Variants in SPAG17 observed in about 807,000 individuals in gnomAD.
The protein encoded by SPAG17 is sperm associated antigen 17, also known as sperm-associated antigen 17.
A neutral mutation model predicts 273.6 loss-of-function variants in SPAG17; 169 were observed. That is an observed-to-expected ratio of 0.62 (90% CI 0.55 to 0.70). The LOEUF (loss-of-function observed/expected upper bound fraction) is 0.70, where lower values mean the gene tolerates loss of function less well. Among genes scored for constraint, SPAG17 ranks in the 30% least tolerant of loss-of-function variants. The pLI is 0.00. For synonymous variants in SPAG17, 825 were observed against 873.2 expected, an observed-to-expected ratio of 0.94 and a Z score of 0.97; for missense variants, 2,557 against 2,627.8, an observed-to-expected ratio of 0.97 and a Z score of 0.59.
At chr1:118,047,799 A>G (rs1650534438) in intron 20 of SPAG17, among the ~76,000 whole-genome samples, 1 of 151,386 alleles carries the variant, frequency 6.6e-6, no homozygotes, top group South Asian at 2.1e-4. Flanking sequence ...ACCTGTCAAT[A>G]TCCATAGACC....
chr1:118,040,717 T>C lies in SPAG17; in HGVS notation c.3166+13A>G. On this transcript the variant is annotated intron_variant, in intron 22 of 48. Transcript: ENST00000336338. ...ATGTTTCCAATCATTAACCAGTTGC[T>C]TTCAAAATGTACCTTTTTCAAACAT... The C allele has an allele frequency of 6.6e-7, 1 of 1,526,404 alleles. No individual in the cohort carries two copies. Among genetic ancestry groups the C allele is most frequent in the Non-Finnish European group, 9.1e-7 (1 of 1,099,700 alleles). The allele number at this position is 1,526,404 out of a possible 1,614,324, so 94.6% of individuals were successfully genotyped here. A position where few individuals can be genotyped will look rare whatever the true frequency, so the allele number is the denominator to read the frequency against.
intron 17 of SPAG17, among the ~76,000 whole-genome samples, chr1:118,070,433 A>G (rs1213414136): frequency 2.6e-5 from 4 of 152,218 alleles, no homozygotes; most frequent in Non-Finnish European, 5.9e-5. Flanking sequence ...ATTCTGAGCA[A>G]CTGGGCTATT....
intron 1 of SPAG17, among the ~76,000 whole-genome samples, chr1:118,177,759 T>C (rs916146700): frequency 3.3e-5 from 5 of 151,836 alleles, no homozygotes; most frequent in African/African-American, 4.8e-5. Context: ...ACCACAGAAA[T>C]GCAAAGAATC....
At chr1:118,164,397 C>T (rs1003656787) in intron 1 of SPAG17, among the ~76,000 whole-genome samples, 1 of 91,892 alleles carries the variant, frequency 1.1e-5, no homozygotes, top group South Asian at 3.3e-4. Flanking sequence ...TAAGTTCATT[C>T]TACTAAATTT....
intron 1 of SPAG17, 139 bp from the exon 2 acceptor site, chr1:118,151,508 T>C (rs566875621): frequency 1.0e-4 from 86 of 856,608 alleles, no homozygotes; most frequent in Non-Finnish European, 1.3e-4. Context: ...TGTATGTGGT[T>C]TTCTGATTGA....
intron 3 of SPAG17, among the ~76,000 whole-genome samples, chr1:118,142,391 C>T (rs572995599): frequency 5.3e-5 from 8 of 152,136 alleles, no homozygotes; most frequent in East Asian, 1.9e-4. Flanking sequence ...AAGTTGTGAA[C>T]GTTGGTTGCA....
chr1:118,050,583 T>C (rs1021909475), intron 20 of SPAG17, among the ~76,000 whole-genome samples: 3 of 152,106 alleles, frequency 2.0e-5, no homozygotes, highest in African/African-American at 7.2e-5. Context: ...GGCCCATAAA[T>C]AAATCCACAC....
At chr1:117,996,287 T>A in intron 34 of SPAG17, 83 bp downstream of exon 34, 1 of 1,435,086 alleles carries the variant, frequency 7.0e-7, no homozygotes, top group South Asian at 1.7e-5. Flanking sequence ...AAAAGTAAGA[T>A]GACATGAAGA....
intron 10 of SPAG17, among the ~76,000 whole-genome samples, chr1:118,090,696 C>G (rs191493494): frequency 6.6e-6 from 1 of 152,096 alleles, no homozygotes; most frequent in South Asian, 2.1e-4. Flanking sequence ...CCATACTGGG[C>G]AACATAGCAA....
chr1:118,007,897 G>A, intron 31 of SPAG17, 147 bp downstream of exon 31: 1 of 780,876 alleles, frequency 1.3e-6, no homozygotes, highest in Non-Finnish European at 2.0e-6. Flanking sequence ...AAGAGTTTGA[G>A]AAGTATATTC....
chr1:118,014,713 C>T (rs1017676295), intron 29 of SPAG17, among the ~76,000 whole-genome samples: 1 of 152,186 alleles, frequency 6.6e-6, no homozygotes, highest in African/African-American at 2.4e-5. Context: ...AGGAAGTTCA[C>T]ACACAAGAGT....
intron 19 of SPAG17, 97 bp downstream of exon 19, chr1:118,055,636 T>G (rs1651582243): frequency 1.8e-6 from 2 of 1,086,532 alleles, no homozygotes; most frequent in African/African-American, 1.6e-5. Context: ...TGGGTAATTC[T>G]TTTTAATATT....
intron 3 of SPAG17, among the ~76,000 whole-genome samples, chr1:118,123,704 T>C (rs969589736): frequency 1.3e-5 from 2 of 152,218 alleles, no homozygotes; most frequent in African/African-American, 4.8e-5. Flanking sequence ...TTGGACCCCT[T>C]ACATCTGTGC....
chr1:118,028,248 C>T (rs750110862), intron 26 of SPAG17, 26 bp downstream of exon 26: 4 of 1,582,354 alleles, frequency 2.5e-6, no homozygotes, highest in Non-Finnish European at 3.4e-6. Flanking sequence ...TCCCTGCTTC[C>T]CCACCCTACC....
Position 118,081,157 on chromosome 1 carries a change from C to G in SPAG17, c.2153G>C (p.Arg718Thr). 3.7e-6 allele frequency: 6 copies of G among 1,613,890 alleles called. No individual in the cohort carries two copies. The highest frequency in any genetic ancestry group is 5.1e-6 in the Non-Finnish European group (6 of 1,179,970). ...GATGCTCTCCTGCTCTAACAGCTGT[C>G]TATTATCAGGGACTGAGAGTTTGAG... ...NNLKLSVPDN[R>T]QLLEQESIMK... Residue 718 changes from arginine (R) to threonine (T), a missense_variant, in exon 15 of 49, where the codon AGA becomes ACA. Arg to Thr is a moderately conservative substitution (Grantham distance 71). Transcript: ENST00000336338.
Position 117,997,270 on chromosome 1 carries a change from T to C in SPAG17, c.4777-527A>G, listed in dbSNP as rs1293118598. Among the ~76,000 whole-genome samples the C allele has an allele frequency of 4.6e-5, 7 of 152,186 alleles. No individual in the cohort carries two copies. In the East Asian group the frequency reaches 1.3e-3, roughly 29 times the overall value. ...GGGTCTCTCCAGGAAGGGGTGTGAT[T>C]CATGCTGCAAGACCACTGAAGGGGA... On this transcript the variant is annotated intron_variant, in intron 32 of 48. Coordinates refer to ENST00000336338, the MANE Select transcript of SPAG17 (RefSeq NM_206996.4).
At chr1:118,130,293 G>A (rs1657985082) in intron 3 of SPAG17, among the ~76,000 whole-genome samples, 1 of 152,140 alleles carries the variant, frequency 6.6e-6, no homozygotes, top group African/African-American at 2.4e-5. Flanking sequence ...CCTAGTTAAA[G>A]ATATGGGTTA....
intron 48 of SPAG17, chr1:117,962,775 A>C (rs932039524): frequency 6.6e-6 from 1 of 152,268 alleles, no homozygotes; most frequent in Non-Finnish European, 1.5e-5. Context: ...GCAGAGATCT[A>C]GGACAGTGCC....
At chr1:118,150,695 A>G in intron 2 of SPAG17, 66 bp from the exon 3 acceptor site, 5 of 912,028 alleles carry the variant, frequency 5.5e-6, no homozygotes, top group Non-Finnish European at 8.5e-6. Context: ...AGATATATGT[A>G]ACTTTCAAAT....
Sources: gnomAD v4.1 joint callset for allele counts (sites outside exome capture counted in the v4.1 genomes callset) on GRCh38, gnomAD v4.1.1 for gene constraint, MANE v1.5 for transcripts, NCBI Gene and HGNC (gene_info 2026-07-23, HGNC 2026-07-21) for gene names.